The following PUDP variants were observed in gnomAD, a reference collection of about 807,000 sequenced individuals.
PUDP encodes the protein pseudouridine 5'-phosphatase, also known as pseudouridine-5'-phosphatase.
Under a neutral mutation model 9.4 loss-of-function variants are expected in PUDP, and 8 were observed. The ratio of observed to expected loss-of-function variants is 0.85; its 90% CI spans 0.50 to 1.53. The LOEUF is 1.53. PUDP is among the 40% of genes most tolerant of loss of function. The pLI, the probability that PUDP is intolerant of heterozygous loss-of-function variation, is 0.00. For missense variants in PUDP, 188 were observed against 189.7 expected, an observed-to-expected ratio of 0.99 and a Z score of 0.05; for synonymous variants, 99 against 80.7, an observed-to-expected ratio of 1.23 and a Z score of -1.22.
At chrX:6,787,776 T>C (rs1050389724) in intron 3 of PUDP, among the ~76,000 whole-genome samples, 6 of 112,132 alleles carry the variant, frequency 5.4e-5, no homozygotes, top group Non-Finnish European at 1.9e-5. Flanking sequence ...TATATACATA[T>C]GGGTAAATTG....
chrX:7,099,045 G>C (rs1416373850), intron 2 of PUDP, among the ~76,000 whole-genome samples: 1 of 112,419 alleles, frequency 8.9e-6, no homozygotes, highest in African/African-American at 3.2e-5. Flanking sequence ...GGAATCTCAT[G>C]CTTAGTGAAA....
chrX:6,752,227 T>C (rs967701480), intron 3 of PUDP, among the ~76,000 whole-genome samples: 2 of 111,852 alleles, frequency 1.8e-5, no homozygotes, highest in African/African-American at 6.5e-5. Context: ...ACTCGATTGC[T>C]TCTTCTTGGT....
intron 3 of PUDP, among the ~76,000 whole-genome samples, chrX:6,858,316 TTC>T (rs1926939576): frequency 2.0e-5 from 2 of 99,343 alleles, no homozygotes; most frequent in African/African-American, 7.2e-5. Flanking sequence ...CCTTTTTTTT[TTC>T]TTTCTTTTTT....
intron 3 of PUDP, among the ~76,000 whole-genome samples, chrX:6,831,566 T>C (rs1225944068): frequency 8.9e-6 from 1 of 112,088 alleles, no homozygotes; most frequent in Admixed American, 9.5e-5. Flanking sequence ...GCAAAGACAG[T>C]TTCAGTATTC....
At chrX:6,972,376 C>T (rs912872307) in intron 3 of PUDP, among the ~76,000 whole-genome samples, 4 of 111,833 alleles carry the variant, frequency 3.6e-5, no homozygotes, top group African/African-American at 6.5e-5. Context: ...TTTTGACATA[C>T]GTTCCATCAA....
chrX:7,030,557 T>G (rs1386411996), intron 1 of PUDP, among the ~76,000 whole-genome samples: 1 of 111,069 alleles, frequency 9.0e-6, no homozygotes, highest in African/African-American at 3.3e-5. Flanking sequence ...ATGAACAGTA[T>G]GCAAAACACA....
chrX:6,730,695 AAG>A (rs1315725066), intron 3 of PUDP, among the ~76,000 whole-genome samples: 1 of 112,332 alleles, frequency 8.9e-6, no homozygotes, highest in African/African-American at 3.2e-5. Flanking sequence ...TTGAATAAGT[AAG>A]AGTTATCCAA....
chrX:7,004,064 T>C (rs187978616), intron 1 of PUDP, among the ~76,000 whole-genome samples: 12 of 110,492 alleles, frequency 1.1e-4, no homozygotes, highest in African/African-American at 3.6e-4. Context: ...TTTGTAGAGA[T>C]GGGGTTTTAC....
chrX:6,950,690 G>A (rs893676275), intron 3 of PUDP, among the ~76,000 whole-genome samples: 6 of 110,649 alleles, frequency 5.4e-5, no homozygotes, highest in South Asian at 3.9e-4. Flanking sequence ...GATTACAGGC[G>A]TGAGCCACTG....
Position 6,811,549 on chromosome X carries a change from A to G in PUDP, c.*248-105083T>C, listed in dbSNP as rs757275450. On this transcript the variant is annotated intron_variant and NMD_transcript_variant, in intron 3 of 3. Transcript: ENST00000655425. Reference sequence around the variant, plus strand: ...AGGCTGGTCTCAAACTCCTGACCTCAATTGATCTGCCTGCCTAGGCCTCCC... The same window carrying G: ...AGGCTGGTCTCAAACTCCTGACCTCGATTGATCTGCCTGCCTAGGCCTCCC... Among the ~76,000 whole-genome samples, 15 of 111,102 alleles carry G rather than the reference A, an allele frequency of 1.4e-4. 1 individual carries two copies. The South Asian group carries it at 5.9e-3, about 43-fold the overall frequency.
At chrX:6,966,543 A>AT (rs1413580395) in intron 3 of PUDP, among the ~76,000 whole-genome samples, 1 of 65,891 alleles carries the variant, frequency 1.5e-5, no homozygotes, top group African/African-American at 4.7e-5. Flanking sequence ...GATCGCCTTC[A>AT]TATTTTTTTT....
downstream of PUDP, among the ~76,000 whole-genome samples, chrX:7,044,246 A>C (rs1929956975): frequency 8.9e-6 from 1 of 112,326 alleles, no homozygotes; most frequent in African/African-American, 3.2e-5. Flanking sequence ...CCCAAGTAGT[A>C]GGCATCTCAA....
chrX:6,827,351 G>C (rs976108427), intron 3 of PUDP, among the ~76,000 whole-genome samples: 1 of 111,964 alleles, frequency 8.9e-6, no homozygotes, highest in African/African-American at 3.2e-5. Flanking sequence ...CACAGTGTGG[G>C]AGCGGGCCCG....
At chrX:7,100,164 C>G (rs1931691411) in intron 2 of PUDP, among the ~76,000 whole-genome samples, 1 of 56,115 alleles carries the variant, frequency 1.8e-5, no homozygotes, top group Admixed American at 2.1e-4. Context: ...GACAGACACA[C>G]CCCCAAGAAT....
chrX:6,931,360 G>A (rs1928187964), intron 3 of PUDP, among the ~76,000 whole-genome samples: 1 of 111,462 alleles, frequency 9.0e-6, no homozygotes, highest in South Asian at 3.8e-4. Flanking sequence ...CTTTTTTATA[G>A]AGACGAGGTC....
intron 1 of PUDP, among the ~76,000 whole-genome samples, chrX:7,119,375 C>T (rs1294004894): frequency 1.8e-5 from 2 of 112,616 alleles, no homozygotes; most frequent in Non-Finnish European, 3.7e-5. Flanking sequence ...CACTGTTTCA[C>T]CTTTACAAAT....
chrX:6,939,019 T>C lies in PUDP; in HGVS notation c.*247+38114A>G, dbSNP rs184028645. ...CTTTTTACAAACTCATTCTCAACTCTTTGGTTCTTTTGATTTATGCAAACC... is the reference window on the plus strand; with the variant it reads ...CTTTTTACAAACTCATTCTCAACTCCTTGGTTCTTTTGATTTATGCAAACC... On this transcript the variant is annotated intron_variant and NMD_transcript_variant, in intron 3 of 3. Coordinates refer to the PUDP transcript ENST00000655425. 6.3e-5 allele frequency among the ~76,000 whole-genome samples: 7 copies of C among 110,569 alleles called. No homozygotes were observed. In the East Asian group the frequency reaches 2.0e-3, roughly 31 times the overall value.
At chrX:6,964,740 C>A (rs1354996335) in intron 3 of PUDP, among the ~76,000 whole-genome samples, 4 of 111,275 alleles carry the variant, frequency 3.6e-5, no homozygotes, top group Non-Finnish European at 3.8e-5. Context: ...GTGTTGAGCT[C>A]CTTTGAGGTG....
At chrX:6,972,998 G>A (rs772027395) in intron 3 of PUDP, among the ~76,000 whole-genome samples, 1 of 112,224 alleles carries the variant, frequency 8.9e-6, no homozygotes, top group Admixed American at 9.4e-5. Flanking sequence ...TTTGCATAGA[G>A]GTATTTATAG....
Sources: gnomAD v4.1 joint callset for allele counts (sites outside exome capture counted in the v4.1 genomes callset) on GRCh38, gnomAD v4.1.1 for gene constraint, MANE v1.5 for transcripts, NCBI Gene and HGNC (gene_info 2026-07-23, HGNC 2026-07-21) for gene names.